The following TNR variants were observed in gnomAD, a reference collection of about 807,000 sequenced individuals.
TNR encodes tenascin-R.
A neutral mutation model predicts 150.4 loss-of-function variants in TNR; 45 were observed. That is an observed-to-expected ratio of 0.30 (90% confidence interval 0.24 to 0.38). The LOEUF (loss-of-function observed/expected upper bound fraction) is 0.38, where lower values mean the gene tolerates loss of function less well. TNR is among the 10% of genes least tolerant of loss of function. The pLI is 1.00. For synonymous variants in TNR, 687 were observed against 678.4 expected (o/e 1.01, Z -0.20); for missense variants, 1,544 against 1,759.1 (o/e 0.88, Z 2.19).
intron 1 of TNR, among the ~76,000 whole-genome samples, chr1:175,677,539 C>T (rs576937993): frequency 5.3e-5 from 8 of 152,186 alleles, no homozygotes; most frequent in Non-Finnish European, 7.3e-5. Flanking sequence ...ACAACAACAT[C>T]GACAACATTG....
At position 175,367,188 on chromosome 1, in the gene TNR, T is replaced by C. The variant is rs1651883115; in HGVS notation, c.2053+20A>G. ...TTATAGGCTAACCTGGTCTTCTTCCTCAGCAGTCCTCCTACTCACCAGTCC... is the reference window on the plus strand; with the variant it reads ...TTATAGGCTAACCTGGTCTTCTTCCCCAGCAGTCCTCCTACTCACCAGTCC... On this transcript the variant is annotated intron_variant, in intron 10 of 22. Transcript: ENST00000367674. 1.2e-6 allele frequency: 2 copies of C among 1,612,700 alleles called. No individual in the cohort carries two copies. Among genetic ancestry groups the C allele is most frequent in the Non-Finnish European group, 1.7e-6 (2 of 1,179,032 alleles).
chr1:175,504,645 A>G (rs1014957268), intron 2 of TNR, among the ~76,000 whole-genome samples: 50 of 152,240 alleles, frequency 3.3e-4, no homozygotes, highest in African/African-American at 1.2e-3. Flanking sequence ...AAGGCAAGTG[A>G]GTCCTGCTGC....
intron 2 of TNR, among the ~76,000 whole-genome samples, chr1:175,448,496 C>T (rs1011217391): frequency 1.4e-4 from 21 of 152,208 alleles, no homozygotes; most frequent in African/African-American, 4.6e-4. Context: ...AGGCATGAGC[C>T]GCTGTGCCCG....
At chr1:175,452,891 T>C (rs1218381871) in intron 2 of TNR, among the ~76,000 whole-genome samples, 1 of 152,152 alleles carries the variant, frequency 6.6e-6, no homozygotes, top group East Asian at 1.9e-4. Context: ...AAGGAGATTC[T>C]GACACATGCT....
chr1:175,432,650 C>T (rs1655328022), intron 2 of TNR, among the ~76,000 whole-genome samples: 1 of 151,964 alleles, frequency 6.6e-6, no homozygotes, highest in Non-Finnish European at 1.5e-5. Context: ...TATTTCAAGG[C>T]TTGCTCCTCT....
intron 2 of TNR, among the ~76,000 whole-genome samples, chr1:175,419,395 A>G (rs1654650047): frequency 6.6e-6 from 1 of 152,138 alleles, no homozygotes; most frequent in African/African-American, 2.4e-5. Flanking sequence ...GGATGTTGAT[A>G]AACAGAGCAC....
intron 1 of TNR, among the ~76,000 whole-genome samples, chr1:175,675,804 C>G (rs1458246270): frequency 6.6e-6 from 1 of 152,126 alleles, no homozygotes; most frequent in East Asian, 1.9e-4. Context: ...CACTTTCATT[C>G]TGGCAGGTAG....
At chr1:175,570,686 CTT>C (rs1661830161) in intron 1 of TNR, among the ~76,000 whole-genome samples, 1 of 151,880 alleles carries the variant, frequency 6.6e-6, no homozygotes, top group Non-Finnish European at 1.5e-5. Flanking sequence ...CCTTCTCTCT[CTT>C]TTTCTTTATA....
chr1:175,582,543 G>A (rs1662392859), intron 1 of TNR, among the ~76,000 whole-genome samples: 1 of 152,152 alleles, frequency 6.6e-6, no homozygotes, highest in Non-Finnish European at 1.5e-5. Flanking sequence ...GTAAGTATTG[G>A]CCATGCTCCA....
At chr1:175,337,789 T>C in intron 18 of TNR, 110 bp from the exon 19 acceptor site, 3 of 1,289,516 alleles carry the variant, frequency 2.3e-6, no homozygotes, top group South Asian at 1.4e-5. Context: ...CATCAACAGC[T>C]GTAAGAAATC....
At chr1:175,624,740 T>A (rs1664091819) in intron 1 of TNR, among the ~76,000 whole-genome samples, 1 of 152,172 alleles carries the variant, frequency 6.6e-6, no homozygotes, top group Non-Finnish European at 1.5e-5. Flanking sequence ...ACTGTAGCCC[T>A]GGGAAACTCA....
At chr1:175,584,622 C>T (rs139882123) in intron 1 of TNR, among the ~76,000 whole-genome samples, 26 of 152,298 alleles carry the variant, frequency 1.7e-4, no homozygotes, top group South Asian at 4.1e-4. Context: ...AAAATTATAA[C>T]AATAAATACT....
chr1:175,701,732 G>A (rs539805645), intron 1 of TNR, among the ~76,000 whole-genome samples: 18 of 152,238 alleles, frequency 1.2e-4, no homozygotes, highest in Non-Finnish European at 2.4e-4. Flanking sequence ...TTGGGTGAGA[G>A]CAGGGTTTTC....
At chr1:175,445,755 G>A (rs1292631798) in intron 2 of TNR, among the ~76,000 whole-genome samples, 1 of 152,130 alleles carries the variant, frequency 6.6e-6, no homozygotes. Context: ...ATAGTTCCCA[G>A]AACTGATAGA....
chr1:175,710,659 C>A (rs1350244998), intron 1 of TNR, among the ~76,000 whole-genome samples: 1 of 152,130 alleles, frequency 6.6e-6, no homozygotes, highest in African/African-American at 2.4e-5. Context: ...AATCTGTCCC[C>A]CTTTCCTTCC....
chr1:175,734,660 C>T (rs561031476), intron 1 of TNR, among the ~76,000 whole-genome samples: 21 of 152,350 alleles, frequency 1.4e-4, no homozygotes, highest in African/African-American at 5.0e-4. Context: ...TTATTTAAAG[C>T]CAGGCTTCTG....
chr1:175,322,712 G>T lies in TNR; in HGVS notation c.*645C>A, dbSNP rs536572121. The T allele has an allele frequency of 6.6e-6, 1 of 152,278 alleles. No individual in the cohort carries two copies. The highest frequency in any genetic ancestry group is 1.5e-5 in the Non-Finnish European group (1 of 68,122). The allele number at this position is 152,278 out of a possible 1,614,324, so 9.4% of individuals were successfully genotyped here. A position where few individuals can be genotyped will look rare whatever the true frequency, so the allele number is the denominator to read the frequency against. ...CGAGAGGATCACTTAAGCTCAGGAAGTCGAGGCTGTAGTGAGCTGAGATTG... is the reference window on the plus strand; with the variant it reads ...CGAGAGGATCACTTAAGCTCAGGAATTCGAGGCTGTAGTGAGCTGAGATTG... On this transcript the variant is annotated 3_prime_UTR_variant, in exon 23 of 23. Coordinates refer to ENST00000367674, the MANE Select transcript of TNR (RefSeq NM_003285.3).
At position 175,315,674 on chromosome 1, in the gene TNR, C is replaced by T. The variant is rs1171864103; in HGVS notation, c.*7683G>A. On this transcript the variant is annotated 3_prime_UTR_variant, in exon 23 of 23. Transcript: ENST00000367674. ...AGCTGCTCGGAGCCCCAGTTAATGA[C>T]CCCCTCAGTGTCACAGTGATTTGCT... 1 of 152,228 alleles carries T rather than the reference C, an allele frequency of 6.6e-6. No individual in the cohort carries two copies. The highest frequency in any genetic ancestry group is 1.5e-5 in the Non-Finnish European group (1 of 68,072). 9.4% of individuals were successfully genotyped at this position (152,228 alleles called of 1,614,324 possible).
intron 2 of TNR, among the ~76,000 whole-genome samples, chr1:175,412,790 C>T (rs859468): frequency 0.78 from 118,217 of 152,108 alleles, 46,101 homozygotes; most frequent in East Asian, 0.89. Context: ...AGGTGCTCCA[C>T]TTTTCTCACT....
Sources: gnomAD v4.1 joint callset for allele counts (sites outside exome capture counted in the v4.1 genomes callset) on GRCh38, gnomAD v4.1.1 for gene constraint, MANE v1.5 for transcripts, NCBI Gene and HGNC (gene_info 2026-07-23, HGNC 2026-07-21) for gene names.